Variants in KIF21A observed in about 807,000 individuals in gnomAD.
KIF21A encodes the protein kinesin family member 21A.
Under a neutral mutation model 202.9 loss-of-function variants are expected in KIF21A, and 114 were observed. The ratio of observed to expected loss-of-function variants is 0.56; its 90% CI spans 0.48 to 0.66. KIF21A has a LOEUF of 0.66. Among genes scored for constraint, KIF21A ranks in the 30% least tolerant of loss-of-function variants. The probability of loss-of-function intolerance (pLI) is 0.00; values close to 1 mark genes in which losing one functional copy is unlikely to be tolerated. For synonymous variants in KIF21A, 667 were observed against 670.8 expected (o/e 0.99, Z 0.09); for missense variants, 1,677 against 1,994.9 (o/e 0.84, Z 3.04).
chr12:39,317,116 A>G (rs1944636377), intron 29 of KIF21A, among the ~76,000 whole-genome samples: 1 of 152,182 alleles, frequency 6.6e-6, no homozygotes, highest in Non-Finnish European at 1.5e-5. Flanking sequence ...AGATCAATGT[A>G]AAGAACATAT....
At chr12:39,372,640 G>T (rs1011197115) in intron 1 of KIF21A, among the ~76,000 whole-genome samples, 1 of 152,156 alleles carries the variant, frequency 6.6e-6, no homozygotes, top group Non-Finnish European at 1.5e-5. Flanking sequence ...AACAAACAAA[G>T]AATTTCTTGT....
At chr12:39,357,979 A>G (rs1239849628) in intron 8 of KIF21A, among the ~76,000 whole-genome samples, 199 bp downstream of exon 8, 1 of 147,400 alleles carries the variant, frequency 6.8e-6, no homozygotes, top group African/African-American at 2.5e-5. Flanking sequence ...GCTTTTGAAC[A>G]AACAGTTGTT....
intron 27 of KIF21A, among the ~76,000 whole-genome samples, chr12:39,321,178 G>C (rs937605308): frequency 2.0e-5 from 3 of 152,104 alleles, no homozygotes; most frequent in Non-Finnish European, 1.5e-5. Context: ...ACTGCACCAA[G>C]TGAGTGACCA....
At chr12:39,392,831 T>C (rs1402277431) in intron 1 of KIF21A, among the ~76,000 whole-genome samples, 3 of 146,048 alleles carry the variant, frequency 2.1e-5, no homozygotes, top group Non-Finnish European at 4.5e-5. Flanking sequence ...TAATGAGCCA[T>C]ACTAGATGTT....
At chr12:39,317,712 G>C (rs1003551176) in intron 29 of KIF21A, among the ~76,000 whole-genome samples, 1 of 152,132 alleles carries the variant, frequency 6.6e-6, no homozygotes, top group Non-Finnish European at 1.5e-5. Flanking sequence ...TTCCAACTCA[G>C]GCTATCTAAA....
At chr12:39,365,015 T>C (rs1049154140) in intron 6 of KIF21A, among the ~76,000 whole-genome samples, 1 of 152,160 alleles carries the variant, frequency 6.6e-6, no homozygotes, top group African/African-American at 2.4e-5. Flanking sequence ...TGGATATTTT[T>C]TTAGACCCTG....
Position 39,342,014 on chromosome 12 carries a change from G to A in KIF21A, c.1803+20C>T. On this transcript the variant is annotated intron_variant, in intron 13 of 37. Coordinates refer to ENST00000361418, the MANE Select transcript of KIF21A (RefSeq NM_001173464.2). ...CAAACCTGGTGACTAAAACTGACAA[G>A]TTCATTCTTTCATACTTACCACTTC... 1 of 1,549,436 alleles carries A rather than the reference G, an allele frequency of 6.5e-7. No homozygotes were observed. Among genetic ancestry groups the A allele is most frequent in the South Asian group, 1.1e-5 (1 of 89,500 alleles).
intron 7 of KIF21A, among the ~76,000 whole-genome samples, chr12:39,361,718 G>T (rs991552325): frequency 1.3e-5 from 2 of 152,042 alleles, no homozygotes; most frequent in Non-Finnish European, 2.9e-5. Flanking sequence ...GTGTTAGCCA[G>T]GATGGTCTTG....
At chr12:39,367,656 C>CA (rs1949688872) in intron 4 of KIF21A, among the ~76,000 whole-genome samples, 2 of 152,102 alleles carry the variant, frequency 1.3e-5, no homozygotes, top group Non-Finnish European at 2.9e-5. Context: ...CATAAATTGC[C>CA]TTAGATTCTT....
intron 11 of KIF21A, 121 bp downstream of exon 11, chr12:39,351,656 C>G: frequency 1.6e-6 from 1 of 640,650 alleles, no homozygotes; most frequent in African/African-American, 1.8e-5. Flanking sequence ...TTTCAGCTAA[C>G]ATAGTGATTT....
At chr12:39,379,222 C>T (rs905169106) in intron 1 of KIF21A, among the ~76,000 whole-genome samples, 3 of 151,374 alleles carry the variant, frequency 2.0e-5, no homozygotes, top group African/African-American at 7.3e-5. Flanking sequence ...CCCAGCTACT[C>T]AGGACAATCG....
intron 1 of KIF21A, among the ~76,000 whole-genome samples, chr12:39,380,657 A>C (rs1950555265): frequency 6.6e-6 from 1 of 151,960 alleles, no homozygotes; most frequent in South Asian, 2.1e-4. Context: ...AGAAGTCTGA[A>C]GCTAGCTTGG....
chr12:39,305,946 C>A (rs1028140104), intron 34 of KIF21A, among the ~76,000 whole-genome samples: 1 of 152,142 alleles, frequency 6.6e-6, no homozygotes, highest in African/African-American at 2.4e-5. Flanking sequence ...ATACATATAT[C>A]TATGTACACA....
chr12:39,360,302 A>G (rs1949110849), intron 7 of KIF21A, among the ~76,000 whole-genome samples: 1 of 152,118 alleles, frequency 6.6e-6, no homozygotes, highest in Non-Finnish European at 1.5e-5. Context: ...ATTATATTGT[A>G]TATTATATTT....
chr12:39,370,352 T>A (rs1180685416), intron 1 of KIF21A, 91 bp from the exon 2 acceptor site: 5 of 923,758 alleles, frequency 5.4e-6, no homozygotes, highest in Admixed American at 2.1e-5. Flanking sequence ...TGGCCAAATC[T>A]TTTTTAAAAC....
At chr12:39,413,243 G>A (rs148010040) in intron 1 of KIF21A, among the ~76,000 whole-genome samples, 174 of 152,206 alleles carry the variant, frequency 1.1e-3, no homozygotes, top group Non-Finnish European at 1.9e-3. Flanking sequence ...TCTTGACCCC[G>A]TAGTATCTAA....
At chr12:39,295,879 G>T (rs1431316538) in intron 37 of KIF21A, among the ~76,000 whole-genome samples, 1 of 150,564 alleles carries the variant, frequency 6.6e-6, no homozygotes, top group Non-Finnish European at 1.5e-5. Flanking sequence ...TTTTTATTGC[G>T]TTTTTAGTAG....
At chr12:39,307,861 A>G (rs1943630280) in intron 33 of KIF21A, 132 bp from the exon 34 acceptor site, 3 of 718,124 alleles carry the variant, frequency 4.2e-6, no homozygotes, top group South Asian at 1.5e-5. Context: ...TATGTATACT[A>G]CCTAGCACAG....
chr12:39,312,121 T>C (rs1053312107), intron 31 of KIF21A: 3 of 153,156 alleles, frequency 2.0e-5, no homozygotes, highest in African/African-American at 7.3e-5. Context: ...TTTAAAAGAA[T>C]GAGAATTTAA....
Sources: allele counts gnomAD v4.1 joint callset (sites outside exome capture counted in the v4.1 genomes callset), GRCh38; gene constraint gnomAD v4.1.1; transcripts MANE v1.5; gene names NCBI Gene and HGNC (gene_info 2026-07-23, HGNC 2026-07-21).